Variants in GRID2 observed in about 807,000 individuals in gnomAD.
GRID2 encodes glutamate receptor ionotropic, delta-2.
A neutral mutation model predicts 114.8 loss-of-function variants in GRID2; 33 were observed. The ratio of observed to expected loss-of-function variants is 0.29; its 90% CI spans 0.22 to 0.38. The LOEUF (loss-of-function observed/expected upper bound fraction) is 0.38. GRID2 is among the 10% of genes least tolerant of loss of function. The probability of loss-of-function intolerance (pLI) is 1.00; values close to 1 mark genes in which losing one functional copy is unlikely to be tolerated. For missense variants in GRID2, 1,184 were observed against 1,257.7 expected (o/e 0.94, Z 0.89); for synonymous variants, 505 against 449.9 (o/e 1.12, Z -1.55).
intron 2 of GRID2, among the ~76,000 whole-genome samples, chr4:92,788,477 T>C (rs1283541625): frequency 6.6e-6 from 1 of 151,944 alleles, no homozygotes; most frequent in Non-Finnish European, 1.5e-5. Context: ...AATTATAAGA[T>C]GCACATGTGT....
At chr4:93,398,739 T>C (rs1458752820) in intron 9 of GRID2, among the ~76,000 whole-genome samples, 1 of 148,554 alleles carries the variant, frequency 6.7e-6, no homozygotes, top group Non-Finnish European at 1.5e-5. Context: ...ACTGGAGACA[T>C]GGAAGCAGTG....
At chr4:92,310,126 C>G (rs1382102363) in intron 1 of GRID2, among the ~76,000 whole-genome samples, 1 of 151,968 alleles carries the variant, frequency 6.6e-6, no homozygotes, top group African/African-American at 2.4e-5. Context: ...CGATTCCTTG[C>G]ATAGTTGCAC....
intron 2 of GRID2, among the ~76,000 whole-genome samples, chr4:93,074,122 C>T (rs1425224925): frequency 6.6e-6 from 1 of 152,188 alleles, no homozygotes; most frequent in African/African-American, 2.4e-5. Context: ...TAATAGCAGC[C>T]TGCTGCTAGA....
chr4:93,556,160 C>T (rs1013128107), intron 13 of GRID2, among the ~76,000 whole-genome samples: 6 of 152,174 alleles, frequency 3.9e-5, no homozygotes, highest in African/African-American at 1.4e-4. Context: ...GAAAAACCAG[C>T]ATGAAAAGGC....
intron 2 of GRID2, among the ~76,000 whole-genome samples, chr4:93,063,134 C>T (rs192963704): frequency 1.1e-4 from 17 of 151,270 alleles, no homozygotes; most frequent in Admixed American, 4.0e-4. Flanking sequence ...CTTTCTCGGG[C>T]GAAAGGAGAA....
At chr4:92,920,922 G>A (rs988968145) in intron 2 of GRID2, among the ~76,000 whole-genome samples, 7 of 152,104 alleles carry the variant, frequency 4.6e-5, no homozygotes, top group Non-Finnish European at 7.4e-5. Context: ...AAGTTCTCCT[G>A]GATAATATCC....
intron 1 of GRID2, among the ~76,000 whole-genome samples, chr4:92,401,109 ATTTTGTTGTTGTTGCTGTGC>A (rs1299296094): frequency 2.6e-5 from 4 of 152,016 alleles, no homozygotes; most frequent in Non-Finnish European, 2.9e-5. Context: ...CAATTTATCT[ATTTTGTTGTTGTTGCTGTGC>A]TTTTGTTGTT....
At chr4:92,870,083 C>G (rs1035815288) in intron 2 of GRID2, among the ~76,000 whole-genome samples, 1 of 151,580 alleles carries the variant, frequency 6.6e-6, no homozygotes, top group African/African-American at 2.4e-5. Flanking sequence ...TGCCTGTATT[C>G]CTAGCTACTT....
At chr4:93,800,596 A>G (rs6844311) in intron 1 of GRID2, among the ~76,000 whole-genome samples, 70,629 of 152,034 alleles carry the variant, frequency 0.46, 17,478 homozygotes, top group Non-Finnish European at 0.55. Flanking sequence ...AATGGGTATC[A>G]TGAATCCTTA....
chr4:93,456,689 C>A (rs1351490705), intron 11 of GRID2, among the ~76,000 whole-genome samples: 4 of 151,554 alleles, frequency 2.6e-5, no homozygotes, highest in Admixed American at 6.6e-5. Context: ...AATTGATAGT[C>A]TCTTGCAAGC....
chr4:93,675,304 G>GT (rs376687799), intron 14 of GRID2, among the ~76,000 whole-genome samples: 3 of 151,786 alleles, frequency 2.0e-5, no homozygotes, highest in Admixed American at 6.6e-5. Context: ...TTATCTAACA[G>GT]TTTTTTTTAA....
At chr4:93,029,576 G>A (rs1314136314) in intron 2 of GRID2, among the ~76,000 whole-genome samples, 3 of 151,966 alleles carry the variant, frequency 2.0e-5, no homozygotes, top group Admixed American at 6.6e-5. Flanking sequence ...GTAAACCGGA[G>A]TATTTTTTCA....
rs1579921016 is a variant in GRID2, at chr4:93,389,306, A to G, written c.1246-6301A>G. On this transcript the variant is annotated intron_variant, in intron 8 of 15. Transcript: ENST00000282020. ...GGTTGTAATAATTAAATGCTAAAAT[A>G]TTATTAGAAAAAATAATAATATTGT... Among the ~76,000 whole-genome samples, 3 of 152,312 alleles carry G rather than the reference A, an allele frequency of 2.0e-5. No individual in the cohort carries two copies. In the South Asian group the frequency reaches 6.2e-4, roughly 32 times the overall value.
At chr4:92,625,719 C>G (rs1236685041) in intron 2 of GRID2, among the ~76,000 whole-genome samples, 2 of 151,866 alleles carry the variant, frequency 1.3e-5, no homozygotes, top group African/African-American at 4.8e-5. Flanking sequence ...AAATGTAAAG[C>G]ATTTACAACG....
Position 93,772,606 on chromosome 4 carries a change from A to G in GRID2, c.*108A>G, listed in dbSNP as rs547840198. 4.8e-5 allele frequency: 37 copies of G among 773,276 alleles called. No individual in the cohort carries two copies. Among genetic ancestry groups the G allele is most frequent in the Non-Finnish European group, 6.7e-5 (33 of 490,268 alleles). 47.9% of individuals were successfully genotyped at this position (773,276 alleles called of 1,614,324 possible). On this transcript the variant is annotated 3_prime_UTR_variant, in exon 16 of 16. Coordinates refer to ENST00000282020, the MANE Select transcript of GRID2 (RefSeq NM_001510.4). ...TGTAACGTTTAAAAAAAAGATCAGG[A>G]TTATTAGTAACAATTCTAGTTTTTT...
chr4:92,946,592 A>T (rs943492598), intron 2 of GRID2, among the ~76,000 whole-genome samples: 1 of 152,060 alleles, frequency 6.6e-6, no homozygotes, highest in African/African-American at 2.4e-5. Flanking sequence ...TGCAAACTCT[A>T]CTGCATATTA....
intron 1 of GRID2, among the ~76,000 whole-genome samples, chr4:92,396,289 G>A (rs1429714600): frequency 1.3e-5 from 2 of 151,892 alleles, no homozygotes; most frequent in Non-Finnish European, 2.9e-5. Flanking sequence ...GTAAAATAGA[G>A]AGCTTGTAGT....
chr4:92,844,019 T>C (rs577345305), intron 2 of GRID2, among the ~76,000 whole-genome samples: 1 of 152,264 alleles, frequency 6.6e-6, no homozygotes, highest in East Asian at 1.9e-4. Flanking sequence ...ATCCCATTGA[T>C]TAATATCACC....
intron 1 of GRID2, among the ~76,000 whole-genome samples, chr4:92,579,520 T>C (rs1159535360): frequency 6.6e-6 from 1 of 152,002 alleles, no homozygotes; most frequent in African/African-American, 2.4e-5. Flanking sequence ...ATGGACTACA[T>C]TTTTAACATA....
Sources: gnomAD v4.1 joint callset for allele counts (sites outside exome capture counted in the v4.1 genomes callset) on GRCh38, gnomAD v4.1.1 for gene constraint, MANE v1.5 for transcripts, NCBI Gene and HGNC (gene_info 2026-07-23, HGNC 2026-07-21) for gene names.